Variants in HS3ST2 observed in about 807,000 individuals in gnomAD.
The protein encoded by HS3ST2 is heparan sulfate glucosamine 3-O-sulfotransferase 2.
A neutral mutation model predicts 26.3 loss-of-function variants in HS3ST2; 17 were observed. The observed-to-expected ratio is 0.65, with a 90% CI of 0.44 to 0.97. The LOEUF (loss-of-function observed/expected upper bound fraction) is 0.97, where lower values mean the gene tolerates loss of function less well. Among genes scored for constraint, HS3ST2 ranks in the 50% least tolerant of loss-of-function variants. HS3ST2 has a pLI of 0.00. For synonymous variants in HS3ST2, 237 were observed against 219.2 expected (o/e 1.08, Z -0.72); for missense variants, 402 against 501.2 (o/e 0.80, Z 1.89).
chr16:22,915,703 G>A lies in HS3ST2; in HGVS notation c.*141G>A, dbSNP rs1406371879. On this transcript the variant is annotated 3_prime_UTR_variant, in exon 2 of 2. Coordinates refer to ENST00000261374, the MANE Select transcript of HS3ST2 (RefSeq NM_006043.2). ...TTGAGTTGCATCATCTTGGAACCAG[G>A]AAGCCCAGCTAAAGCCAAGAGACCA... 1.1e-6 allele frequency: 1 copy of A among 914,916 alleles called. No individual in the cohort carries two copies. Among genetic ancestry groups the A allele is most frequent in the African/African-American group, 1.7e-5 (1 of 59,598 alleles). The allele number at this position is 914,916 out of a possible 1,614,324, so 56.7% of individuals were successfully genotyped here. A position where few individuals can be genotyped will look rare whatever the true frequency, so the allele number is the denominator to read the frequency against.
rs1315108629 is a variant in HS3ST2 at position 22,915,368 on chromosome 16, T to A, written c.910T>A (p.Tyr304Asn). Residue 304 changes from tyrosine to asparagine, a missense_variant, in exon 2 of 2, where the codon TAT becomes AAT. Physicochemically the swap from Tyr to Asn is moderately radical, Grantham distance 143. This residue lies in a region of HS3ST2 where 237 missense variants were observed against 346.6 expected (regional missense o/e 0.68). Coordinates refer to ENST00000261374, the MANE Select transcript of HS3ST2 (RefSeq NM_006043.2). ...GAGATTCATCACGGACAAGCACTTCTATTTCAACAAGACCAAAGGATTCCC... is the reference window on the plus strand; with the variant it reads ...GAGATTCATCACGGACAAGCACTTCAATTTCAACAAGACCAAAGGATTCCC... Reference protein sequence around the residue: ...IKRFITDKHFYFNKTKGFPCL... With the variant: ...IKRFITDKHFNFNKTKGFPCL... 1 of 1,613,756 alleles carries A rather than the reference T, an allele frequency of 6.2e-7. No homozygotes were observed. The highest frequency in any genetic ancestry group is 1.3e-5 in the African/African-American group (1 of 74,800).
chr16:22,893,616 T>A (rs1209070357), intron 1 of HS3ST2, among the ~76,000 whole-genome samples: 1 of 136,424 alleles, frequency 7.3e-6, no homozygotes, highest in East Asian at 2.2e-4. Flanking sequence ...CAGCTTTTCT[T>A]TTTTCTTTTT....
rs200093528 is a variant in HS3ST2, at chr16:22,814,756, T to G, written c.146T>G (p.Leu49Arg). The G allele has an allele frequency of 1.1e-5, 17 of 1,607,346 alleles. No individual in the cohort carries two copies. Among genetic ancestry groups the G allele is most frequent in the Non-Finnish European group, 1.3e-5 (15 of 1,177,900 alleles). The change falls in exon 1 of 2, where the codon CTC becomes CGC. Residue 49 changes from leucine (L) to arginine (R), a missense_variant. Transcript: ENST00000261374. Reference sequence around the variant, plus strand: ...TGCGACGACCTGGGTCGGAGCCGCCTCCTCGGCGCGCCTCGCTGCCTCCGC... The same window carrying G: ...TGCGACGACCTGGGTCGGAGCCGCCGCCTCGGCGCGCCTCGCTGCCTCCGC... Reference protein sequence around the residue: ...CCCDDLGRSRLLGAPRCLRGP... With the variant: ...CCCDDLGRSRRLGAPRCLRGP...
chr16:22,900,975 T>G (rs1021317048), intron 1 of HS3ST2, among the ~76,000 whole-genome samples: 17 of 152,018 alleles, frequency 1.1e-4, no homozygotes, highest in African/African-American at 3.6e-4. Context: ...GGTGAAGGGA[T>G]AGATAGCTGG....
chr16:22,906,530 C>A (rs1294894924), intron 1 of HS3ST2, among the ~76,000 whole-genome samples: 1 of 152,220 alleles, frequency 6.6e-6, no homozygotes, highest in Non-Finnish European at 1.5e-5. Context: ...CCTTCCCCAC[C>A]AGCCACAGGG....
In HS3ST2 at chr16:22,915,671, TC is replaced by T; in HGVS notation, c.*112del. ...AACAAACCCTGGCTCCAGCCCCCTTTCCCAACTTGAGTTGCATCATCTTGGA... is the reference window on the plus strand; with the variant it reads ...AACAAACCCTGGCTCCAGCCCCCTTTCCAACTTGAGTTGCATCATCTTGGA... On this transcript the variant is annotated 3_prime_UTR_variant, in exon 2 of 2. Transcript: ENST00000261374. The T allele has an allele frequency of 8.0e-7, 1 of 1,256,366 alleles. No homozygotes were observed. Among genetic ancestry groups the T allele is most frequent in the Non-Finnish European group, 1.1e-6 (1 of 902,786 alleles). The allele number at this position is 1,256,366 out of a possible 1,614,324, so 77.8% of individuals were successfully genotyped here.
chr16:22,900,183 G>A (rs1052647379), intron 1 of HS3ST2, among the ~76,000 whole-genome samples: 1 of 152,178 alleles, frequency 6.6e-6, no homozygotes, highest in Non-Finnish European at 1.5e-5. Context: ...GGGTAGGAGT[G>A]GCCCCATCAG....
chr16:22,860,346 C>T (rs1901657769), intron 1 of HS3ST2, among the ~76,000 whole-genome samples: 1 of 152,058 alleles, frequency 6.6e-6, no homozygotes, highest in African/African-American at 2.4e-5. Flanking sequence ...ACGAGAACAG[C>T]ATGGGAAAGA....
intron 1 of HS3ST2, among the ~76,000 whole-genome samples, chr16:22,833,764 A>G (rs970988605): frequency 3.3e-5 from 5 of 152,162 alleles, no homozygotes; most frequent in Non-Finnish European, 7.3e-5. Context: ...ATTGTCTCCA[A>G]CATATACTTT....
chr16:22,892,131 A>G (rs1902138389), intron 1 of HS3ST2, among the ~76,000 whole-genome samples: 1 of 126,048 alleles, frequency 7.9e-6, no homozygotes, highest in Non-Finnish European at 1.8e-5. Flanking sequence ...AAAAAAAAAA[A>G]TACAAAAAGT....
Position 22,915,306 on chromosome 16 carries a change from G to A in HS3ST2, c.848G>A (p.Gly283Asp). 6.2e-7 allele frequency: 1 copy of A among 1,614,036 alleles called. No homozygotes were observed. Among genetic ancestry groups the A allele is most frequent in the Non-Finnish European group, 8.5e-7 (1 of 1,180,008 alleles). Reference protein sequence around the residue: ...SGERLITDPAGEMGRVQDFLG... With the variant: ...SGERLITDPADEMGRVQDFLG... ...GAGCGACTCATCACTGACCCGGCCG[G>A]CGAGATGGGGCGAGTCCAGGACTTC... Residue 283 changes from glycine (G) to aspartate (D), a missense_variant, in exon 2 of 2, where the codon GGC becomes GAC. Around this residue, in one of 2 missense-constraint regions of HS3ST2, gnomAD observed 237 missense variants for 346.6 expected, o/e 0.68. Transcript: ENST00000261374.
intron 1 of HS3ST2, among the ~76,000 whole-genome samples, chr16:22,845,951 A>C (rs1415867765): frequency 6.6e-6 from 1 of 152,238 alleles, no homozygotes; most frequent in East Asian, 1.9e-4. Context: ...GCATTAAGCC[A>C]AGAGGCCCAG....
intron 1 of HS3ST2, among the ~76,000 whole-genome samples, chr16:22,869,578 C>A (rs1901803454): frequency 6.6e-6 from 1 of 152,182 alleles, no homozygotes. Flanking sequence ...AAATTCGTGT[C>A]TTACATGGAT....
chr16:22,847,955 A>AAAAAAAAAG (rs1901466287), intron 1 of HS3ST2, among the ~76,000 whole-genome samples: 1 of 151,920 alleles, frequency 6.6e-6, no homozygotes, highest in African/African-American at 2.4e-5. Flanking sequence ...GGGAGGGAAG[A>AAAAAAAAAG]AAAGAAAGAG....
intron 1 of HS3ST2, among the ~76,000 whole-genome samples, chr16:22,876,497 A>G (rs1346969258): frequency 6.6e-6 from 1 of 152,164 alleles, no homozygotes; most frequent in Non-Finnish European, 1.5e-5. Context: ...AAAACATAAT[A>G]GATGTTGGCA....
At chr16:22,830,750 A>T (rs760736178) in intron 1 of HS3ST2, among the ~76,000 whole-genome samples, 12 of 152,156 alleles carry the variant, frequency 7.9e-5, no homozygotes, top group Non-Finnish European at 1.6e-4. Flanking sequence ...TCCTTTACAA[A>T]ATCTAACACG....
At position 22,915,934 on chromosome 16, in the gene HS3ST2, A is replaced by G. The variant is rs570216674; in HGVS notation, c.*372A>G. 1 of 206,020 alleles carries G rather than the reference A, an allele frequency of 4.9e-6. No homozygotes were observed. Among genetic ancestry groups the G allele is most frequent in the South Asian group, 1.0e-4 (1 of 9,648 alleles). The allele number at this position is 206,020 out of a possible 1,614,324, so 12.8% of individuals were successfully genotyped here. A position where few individuals can be genotyped will look rare whatever the true frequency, so the allele number is the denominator to read the frequency against. ...ATGAACACAGCAGTCGGTCCCTGTC[A>G]TTGTCCACCCAGGAGTGGCCTTGTT... On this transcript the variant is annotated 3_prime_UTR_variant, in exon 2 of 2. Coordinates refer to ENST00000261374, the MANE Select transcript of HS3ST2 (RefSeq NM_006043.2).
intron 1 of HS3ST2, among the ~76,000 whole-genome samples, chr16:22,891,317 C>T (rs1399626225): frequency 6.6e-6 from 1 of 152,198 alleles, no homozygotes; most frequent in African/African-American, 2.4e-5. Flanking sequence ...TTCCACGCAT[C>T]GTCTCGAAGT....
chr16:22,859,862 T>C (rs1596617017), intron 1 of HS3ST2, among the ~76,000 whole-genome samples: 1 of 152,188 alleles, frequency 6.6e-6, no homozygotes, highest in East Asian at 1.9e-4. Flanking sequence ...GATTTCTGAC[T>C]TGGGCATGTA....
Sources: allele counts gnomAD v4.1 joint callset (sites outside exome capture counted in the v4.1 genomes callset), GRCh38; gene constraint gnomAD v4.1.1; regional missense constraint gnomAD v4.1.1; transcripts MANE v1.5; gene names NCBI Gene and HGNC (gene_info 2026-07-23, HGNC 2026-07-21).